DACH2: variants seen among roughly 807,000 people sequenced by gnomAD.
DACH2 encodes the protein dachshund family transcription factor 2.
DACH2 carries 17 observed loss-of-function variants against 35.8 expected under a neutral mutation model. The observed-to-expected ratio is 0.48, with a 90% CI of 0.33 to 0.71. DACH2 has a LOEUF of 0.71. DACH2 is among the 30% of genes least tolerant of loss of function. DACH2 has a pLI of 0.02. For missense variants in DACH2, 469 were observed against 472.7 expected, an observed-to-expected ratio of 0.99 and a Z score of 0.07; for synonymous variants, 195 against 177.3, an observed-to-expected ratio of 1.10 and a Z score of -0.79.
At chrX:86,366,949 T>A (rs1365540395) in intron 1 of DACH2, among the ~76,000 whole-genome samples, 1 of 110,892 alleles carries the variant, frequency 9.0e-6, no homozygotes, top group Non-Finnish European at 1.9e-5. Flanking sequence ...CCTCTTTCTT[T>A]TATAAATTAC....
chrX:86,396,444 T>A (rs1478882820), intron 2 of DACH2, among the ~76,000 whole-genome samples: 2 of 97,097 alleles, frequency 2.1e-5, no homozygotes, highest in East Asian at 3.1e-4. Flanking sequence ...TTTGGTGTTT[T>A]AGACATGAAG....
chrX:86,385,436 A>G (rs2036109110), intron 2 of DACH2, among the ~76,000 whole-genome samples: 1 of 111,420 alleles, frequency 9.0e-6, no homozygotes, highest in Non-Finnish European at 1.9e-5. Context: ...GAAAAGAAAA[A>G]CAATATAAAT....
chrX:86,606,671 G>A (rs191405893), intron 3 of DACH2, among the ~76,000 whole-genome samples: 1 of 111,365 alleles, frequency 9.0e-6, no homozygotes, highest in African/African-American at 3.3e-5. Flanking sequence ...GTATTCTGCT[G>A]CTGTTGGCTA....
intron 3 of DACH2, among the ~76,000 whole-genome samples, chrX:86,586,691 C>T (rs370491415): frequency 9.0e-6 from 1 of 111,334 alleles, no homozygotes; most frequent in East Asian, 2.8e-4. Context: ...GTCCTTTCCC[C>T]ATTGCTTGTT....
chrX:86,455,266 G>A (rs1253994515), intron 2 of DACH2, among the ~76,000 whole-genome samples: 1 of 111,331 alleles, frequency 9.0e-6, no homozygotes, highest in African/African-American at 3.3e-5. Context: ...ATGGGATCAG[G>A]GACCTGCTTA....
chrX:86,549,816 C>A (rs1279939936), intron 3 of DACH2, among the ~76,000 whole-genome samples: 1 of 111,450 alleles, frequency 9.0e-6, no homozygotes, highest in East Asian at 2.8e-4. Flanking sequence ...TTTTAACTTT[C>A]ACTTTTCAAT....
At chrX:86,339,394 T>C (rs4357449) in intron 1 of DACH2, among the ~76,000 whole-genome samples, 24,035 of 111,151 alleles carry the variant, frequency 0.22, 3,280 homozygotes, top group African/African-American at 0.51. Flanking sequence ...TAAGATAAAT[T>C]TTATGATTAA....
At chrX:86,689,008 AGAGGC>A (rs2040980041) in intron 4 of DACH2, among the ~76,000 whole-genome samples, 1 of 111,769 alleles carries the variant, frequency 8.9e-6, no homozygotes, top group Non-Finnish European at 1.9e-5. Flanking sequence ...GTGCAGCCCT[AGAGGC>A]TCATCAATTA....
chrX:86,200,596 C>T (rs2032125407), intron 1 of DACH2, among the ~76,000 whole-genome samples: 1 of 89,695 alleles, frequency 1.1e-5, no homozygotes, highest in Admixed American at 1.2e-4. Context: ...TAAAAGAAAA[C>T]AACCCCATTG....
chrX:86,694,062 T>C lies in DACH2; in HGVS notation c.773-959T>C, dbSNP rs958361089. ...TCCCAAGCCTAAACCCCACACACAGTGTCAGAGTTTTAGGCAGTAAGTGGG... is the reference window on the plus strand; with the variant it reads ...TCCCAAGCCTAAACCCCACACACAGCGTCAGAGTTTTAGGCAGTAAGTGGG... On this transcript the variant is annotated intron_variant, in intron 4 of 11. Transcript: ENST00000373125. 3.6e-5 allele frequency among the ~76,000 whole-genome samples: 4 copies of C among 111,490 alleles called. No homozygotes were observed. The South Asian group carries it at 1.5e-3, about 42-fold the overall frequency.
chrX:86,628,220 G>T (rs1210893757), intron 3 of DACH2, among the ~76,000 whole-genome samples: 1 of 112,197 alleles, frequency 8.9e-6, no homozygotes, highest in Non-Finnish European at 1.9e-5. Context: ...TACAGCCTTG[G>T]TAAGGGTGAC....
intron 9 of DACH2, among the ~76,000 whole-genome samples, chrX:86,814,483 C>T (rs775472352): frequency 9.0e-6 from 1 of 111,663 alleles, no homozygotes; most frequent in Non-Finnish European, 1.9e-5. Flanking sequence ...AGAAAGAAGT[C>T]AGTTGTATGA....
chrX:86,440,771 A>C (rs779795007), intron 2 of DACH2, among the ~76,000 whole-genome samples: 1 of 111,751 alleles, frequency 8.9e-6, no homozygotes, highest in East Asian at 2.8e-4. Context: ...AAATCAATGC[A>C]GGATATTTAG....
At chrX:86,775,073 A>G (rs2042018818) in intron 7 of DACH2, among the ~76,000 whole-genome samples, 1 of 111,936 alleles carries the variant, frequency 8.9e-6, no homozygotes, top group South Asian at 3.8e-4. Flanking sequence ...TAAAGACATC[A>G]GAAAAGTGAA....
rs373263327 is a variant in DACH2 at position 86,821,508 on chromosome X, G to C, written c.1750+5409G>C. Among the ~76,000 whole-genome samples the C allele has an allele frequency of 4.5e-5, 5 of 111,060 alleles. No homozygotes were observed. In the East Asian group the frequency reaches 1.4e-3, roughly 32 times the overall value. On this transcript the variant is annotated intron_variant, in intron 11 of 11. Transcript: ENST00000373125. ...TTCTGTACAGTTTATTAAATGGCCT[G>C]TGTCTTTTTATTTTCTTTCTCAGAA...
At chrX:86,771,176 G>C (rs971615641) in intron 7 of DACH2, among the ~76,000 whole-genome samples, 1 of 112,737 alleles carries the variant, frequency 8.9e-6, no homozygotes, top group Admixed American at 9.4e-5. Flanking sequence ...GGATACAGAA[G>C]TTATTTTTCC....
rs368932054 is a variant in DACH2 at position 86,587,983 on chromosome X, A to G, written c.641-63053A>G. ...AATGGTATTTCCTAGGTTTTCTTCT[A>G]GGATTTTTATAGTTTGAGGTCTTAA... On this transcript the variant is annotated intron_variant, in intron 3 of 11. Transcript: ENST00000373125. Among the ~76,000 whole-genome samples, 29 of 111,606 alleles carry G rather than the reference A, an allele frequency of 2.6e-4. No individual in the cohort carries two copies. In the East Asian group the frequency reaches 2.8e-3, roughly 11 times the overall value.
chrX:86,572,273 A>C (rs748454057), intron 3 of DACH2, among the ~76,000 whole-genome samples: 1 of 111,485 alleles, frequency 9.0e-6, no homozygotes, highest in Non-Finnish European at 1.9e-5. Context: ...TTACCATACT[A>C]TGCCAAACTC....
At chrX:86,158,534 T>TAC (rs1251395151) in intron 1 of DACH2, among the ~76,000 whole-genome samples, 1 of 110,484 alleles carries the variant, frequency 9.1e-6, no homozygotes, top group African/African-American at 3.3e-5. Flanking sequence ...TGTGTGTGTG[T>TAC]GTGTGTGTGT....
Sources: allele counts gnomAD v4.1 joint callset (sites outside exome capture counted in the v4.1 genomes callset), GRCh38; gene constraint gnomAD v4.1.1; transcripts MANE v1.5; gene names NCBI Gene and HGNC (gene_info 2026-07-23, HGNC 2026-07-21).